RBFOX2: variants seen among roughly 807,000 people sequenced by gnomAD.
RBFOX2 encodes the protein RNA binding fox-1 homolog 2.
Under a neutral mutation model 49.1 loss-of-function variants are expected in RBFOX2, and 10 were observed. The ratio of observed to expected loss-of-function variants is 0.20; its 90% CI spans 0.13 to 0.35. The LOEUF (loss-of-function observed/expected upper bound fraction) is 0.35. Among genes scored for constraint, RBFOX2 ranks in the 10% least tolerant of loss-of-function variants. RBFOX2 has a pLI of 1.00. For missense variants in RBFOX2, 323 were observed against 486.9 expected (o/e 0.66, Z 3.17); for synonymous variants, 183 against 187.4 (o/e 0.98, Z 0.19).
chr22:35,950,142 T>G (rs1228461696), intron 1 of RBFOX2, among the ~76,000 whole-genome samples: 1 of 151,304 alleles, frequency 6.6e-6, no homozygotes, highest in Non-Finnish European at 1.5e-5. Flanking sequence ...GTGTCTTACT[T>G]ATTTTTGAGG....
chr22:35,771,148 C>T (rs1010082067), intron 4 of RBFOX2, among the ~76,000 whole-genome samples: 3 of 152,268 alleles, frequency 2.0e-5, no homozygotes, highest in Middle Eastern at 3.4e-3. Flanking sequence ...TTACCTTACA[C>T]GGCAAAAGGG....
intron 1 of RBFOX2, among the ~76,000 whole-genome samples, chr22:36,011,836 A>G (rs2058833770): frequency 6.6e-6 from 1 of 152,226 alleles, no homozygotes; most frequent in Admixed American, 6.5e-5. Context: ...CTAAGAAATG[A>G]AAGATTCTAC....
chr22:35,997,329 G>C (rs1247242636), intron 1 of RBFOX2: 1 of 149,686 alleles, frequency 6.7e-6, no homozygotes, highest in Non-Finnish European at 1.5e-5. Flanking sequence ...GCTGCCTTCA[G>C]AAGTCTAGAG....
At chr22:35,846,305 T>G (rs2041191456) in intron 1 of RBFOX2, among the ~76,000 whole-genome samples, 1 of 147,006 alleles carries the variant, frequency 6.8e-6, no homozygotes, top group Non-Finnish European at 1.5e-5. Context: ...AAGTATAAAC[T>G]ATATAAGTAA....
chr22:35,917,104 C>A (rs974095339), intron 1 of RBFOX2, among the ~76,000 whole-genome samples: 1 of 152,042 alleles, frequency 6.6e-6, no homozygotes, highest in African/African-American at 2.4e-5. Context: ...CATGAGAATG[C>A]CAAAATTTAT....
At chr22:35,834,061 T>C (rs1486950889) in intron 1 of RBFOX2, among the ~76,000 whole-genome samples, 2 of 152,236 alleles carry the variant, frequency 1.3e-5, no homozygotes, top group African/African-American at 4.8e-5. Context: ...GAGTCTCAAC[T>C]AAATTAATTT....
chr22:35,816,558 T>C (rs1329916025), intron 1 of RBFOX2, among the ~76,000 whole-genome samples: 3 of 152,202 alleles, frequency 2.0e-5, no homozygotes, highest in South Asian at 2.1e-4. Context: ...AAATGTGATG[T>C]TGAGAGGAAA....
chr22:35,778,094 TAAA>T lies in RBFOX2; in HGVS notation c.400-19_400-17del, dbSNP rs759921466. The T allele has an allele frequency of 8.1e-6, 13 of 1,597,302 alleles. No individual in the cohort carries two copies. In the Admixed American group the frequency reaches 2.2e-4, roughly 27 times the overall value. On this transcript the variant is annotated splice_polypyrimidine_tract_variant and intron_variant, in intron 3 of 11. Transcript: ENST00000405409. The stretch of plus-strand genomic sequence containing the variant: ...TGCCAAACTGCTGCAGAGATAAAAA[TAAA>T]AACGTTTACTTATGGTCAGGTTTTT...
intron 1 of RBFOX2, among the ~76,000 whole-genome samples, chr22:35,905,734 G>C (rs2049050001): frequency 6.6e-6 from 1 of 152,158 alleles, no homozygotes; most frequent in Non-Finnish European, 1.5e-5. Flanking sequence ...GAACAGTATA[G>C]CCTTGGGGGA....
intron 1 of RBFOX2, among the ~76,000 whole-genome samples, chr22:35,926,672 C>T (rs182831459): frequency 3.2e-4 from 49 of 152,204 alleles, no homozygotes; most frequent in East Asian, 2.1e-3. Flanking sequence ...TACAGAAGAG[C>T]GATGAGAATA....
intron 1 of RBFOX2, among the ~76,000 whole-genome samples, chr22:35,865,352 A>G (rs1660464360): frequency 1.3e-5 from 2 of 152,226 alleles, no homozygotes; most frequent in South Asian, 4.1e-4. Flanking sequence ...TATTGAAAAC[A>G]ATCATAGTTG....
At chr22:36,026,272 G>A (rs1395824544) in intron 1 of RBFOX2, among the ~76,000 whole-genome samples, 2 of 124,972 alleles carry the variant, frequency 1.6e-5, no homozygotes, top group Admixed American at 1.5e-4. Flanking sequence ...AAAAAAAAGA[G>A]AATGTATAGA....
chr22:35,961,506 A>G, intron 1 of RBFOX2: 16 of 1,300,900 alleles, frequency 1.2e-5, no homozygotes, highest in Non-Finnish European at 1.6e-5. Flanking sequence ...TGAAGCCACA[A>G]TTCCCCTGCA....
At position 35,811,130 on chromosome 22, in the gene RBFOX2, C is replaced by T. The variant is rs574148983; in HGVS notation, c.28-1126G>A. ...ACTTGGTAATAAAAACTGCTTTACA[C>T]AATAGTGGTGAAAGAAAAAAGGCAG... On this transcript the variant is annotated intron_variant, in intron 1 of 11. Transcript: ENST00000405409. Among the ~76,000 whole-genome samples the T allele has an allele frequency of 1.6e-4, 24 of 151,188 alleles. No individual in the cohort carries two copies. In the South Asian group the frequency reaches 2.5e-3, roughly 16 times the overall value.
In RBFOX2 at chr22:35,795,156, TAAAGGACAGATG is replaced by T. The variant is rs1003441927; in HGVS notation, c.253-13422_253-13411del. ...CTCATAGACATCAAAATTTTGGAGC[TAAAGGACAGATG>T]TAATTATTTTTAAGGGTAAATTGAT... On this transcript the variant is annotated intron_variant, in intron 2 of 11. Transcript: ENST00000405409. 1.0e-3 allele frequency among the ~76,000 whole-genome samples: 156 copies of T among 152,268 alleles called. 1 individual carries two copies. The highest frequency in any genetic ancestry group is 3.8e-3 in the African/African-American group (156 of 41,562).
intron 1 of RBFOX2, among the ~76,000 whole-genome samples, chr22:35,880,528 A>T (rs1211829543): frequency 1.3e-5 from 2 of 152,186 alleles, no homozygotes; most frequent in African/African-American, 2.4e-5. Flanking sequence ...TTTAACACCC[A>T]GTGTATCATC....
chr22:35,773,577 A>C (rs992995078), intron 4 of RBFOX2, among the ~76,000 whole-genome samples: 1 of 152,076 alleles, frequency 6.6e-6, no homozygotes, highest in African/African-American at 2.4e-5. Flanking sequence ...AAAAAGAAAA[A>C]AAATTGCTAG....
intron 1 of RBFOX2, chr22:35,995,410 G>C (rs994221386): frequency 6.6e-6 from 1 of 152,156 alleles, no homozygotes; most frequent in Admixed American, 6.5e-5. Flanking sequence ...TTATCTCCTA[G>C]GATCATAGCT....
chr22:35,771,253 C>A (rs1480952933), intron 4 of RBFOX2, among the ~76,000 whole-genome samples: 1 of 152,144 alleles, frequency 6.6e-6, no homozygotes, highest in African/African-American at 2.4e-5. Context: ...TCCAACGTGG[C>A]CACTGTACTG....
Sources: gnomAD v4.1 joint callset for allele counts (sites outside exome capture counted in the v4.1 genomes callset) on GRCh38, gnomAD v4.1.1 for gene constraint, MANE v1.5 for transcripts, NCBI Gene and HGNC (gene_info 2026-07-23, HGNC 2026-07-21) for gene names.